Variants in FTCDNL1 observed in about 807,000 individuals in gnomAD.
The protein encoded by FTCDNL1 is formiminotransferase N-terminal subdomain-containing protein.
A neutral mutation model predicts 5.9 loss-of-function variants in FTCDNL1; 11 were observed. The observed-to-expected ratio is 1.87, with a 90% CI of 1.18 to 3.10. FTCDNL1 has a LOEUF of 3.10. FTCDNL1 is among the 30% of genes most tolerant of loss of function. FTCDNL1 has a pLI of 0.00. For synonymous variants in FTCDNL1, 58 were observed against 24.8 expected (o/e 2.34, Z -3.99); for missense variants, 115 against 65.5 (o/e 1.76, Z -2.61).
At chr2:199,740,950 G>C in the FTCDNL1 span, among the ~76,000 whole-genome samples, 1 of 152,288 alleles carries the variant, frequency 6.6e-6, no homozygotes, top group East Asian at 1.9e-4. Flanking sequence ...CTGTGTGCCA[G>C]CTTCCTGCAG....
At chr2:199,779,505 C>G (rs893628601) in intron 3 of FTCDNL1, among the ~76,000 whole-genome samples, 2 of 152,164 alleles carry the variant, frequency 1.3e-5, no homozygotes, top group African/African-American at 4.8e-5. Flanking sequence ...CTGAATGCAG[C>G]TCCCCCTCCA....
chr2:199,690,910 C>G, the FTCDNL1 span, among the ~76,000 whole-genome samples: 1 of 152,154 alleles, frequency 6.6e-6, no homozygotes, highest in East Asian at 1.9e-4. Context: ...ACTTTTGGAT[C>G]CAATGTAATT....
At chr2:199,815,582 T>C (rs1385802836) in intron 4 of FTCDNL1, among the ~76,000 whole-genome samples, 1 of 152,120 alleles carries the variant, frequency 6.6e-6, no homozygotes, top group African/African-American at 2.4e-5. Context: ...GCCAATTAAA[T>C]TTAAACAAGA....
downstream of FTCDNL1, among the ~76,000 whole-genome samples, chr2:199,804,582 G>A (rs1376471284): frequency 6.6e-6 from 1 of 152,110 alleles, no homozygotes; most frequent in Non-Finnish European, 1.5e-5. Flanking sequence ...GGAAAAAATA[G>A]CACGAATTCC....
chr2:199,704,160 G>A, the FTCDNL1 span, among the ~76,000 whole-genome samples: 1 of 152,068 alleles, frequency 6.6e-6, no homozygotes, highest in African/African-American at 2.4e-5. Context: ...CCATAACTGG[G>A]GTAATAGTTG....
chr2:199,764,428 A>G (rs888085036), intron 3 of FTCDNL1, among the ~76,000 whole-genome samples: 1 of 152,172 alleles, frequency 6.6e-6, no homozygotes, highest in Non-Finnish European at 1.5e-5. Context: ...GCCTTCTGTT[A>G]GCGTTTGTAC....
At chr2:199,711,330 T>C in the FTCDNL1 span, among the ~76,000 whole-genome samples, 4 of 120,802 alleles carry the variant, frequency 3.3e-5, no homozygotes, top group Non-Finnish European at 4.8e-5. Flanking sequence ...CCCATATGTG[T>C]AATGACAGAA....
At chr2:199,709,364 G>C in the FTCDNL1 span, among the ~76,000 whole-genome samples, 1 of 152,112 alleles carries the variant, frequency 6.6e-6, no homozygotes, top group African/African-American at 2.4e-5. Context: ...AGGGCAGCCA[G>C]TCCTAGCCAA....
the FTCDNL1 span, among the ~76,000 whole-genome samples, chr2:199,703,842 T>A: frequency 6.6e-6 from 1 of 152,216 alleles, no homozygotes; most frequent in South Asian, 2.1e-4. Context: ...GTTAAATTTT[T>A]CTATAGAATA....
the FTCDNL1 span, among the ~76,000 whole-genome samples, chr2:199,738,063 G>A: frequency 1.3e-5 from 2 of 152,158 alleles, no homozygotes; most frequent in South Asian, 2.1e-4. Context: ...GATAAGAAAC[G>A]GGATTCTCAG....
intron 3 of FTCDNL1, among the ~76,000 whole-genome samples, chr2:199,798,959 A>G (rs1700308237): frequency 6.6e-6 from 1 of 152,204 alleles, no homozygotes; most frequent in Non-Finnish European, 1.5e-5. Context: ...GGAATGCCTG[A>G]AGAATGGGAG....
chr2:199,846,814 T>C (rs925844886), intron 2 of FTCDNL1, among the ~76,000 whole-genome samples: 1 of 152,218 alleles, frequency 6.6e-6, no homozygotes, highest in Non-Finnish European at 1.5e-5. Flanking sequence ...CAGCCATACA[T>C]AACCCTAGAG....
At chr2:199,719,917 C>T in the FTCDNL1 span, among the ~76,000 whole-genome samples, 1 of 151,992 alleles carries the variant, frequency 6.6e-6, no homozygotes, top group African/African-American at 2.4e-5. Context: ...TCTATTTGTT[C>T]GTGTCATCTA....
the FTCDNL1 span, among the ~76,000 whole-genome samples, chr2:199,682,494 T>C: frequency 2.6e-5 from 4 of 152,182 alleles, no homozygotes; most frequent in Non-Finnish European, 5.9e-5. Flanking sequence ...CAGCCTGCAT[T>C]TGAAAGGAAA....
rs754906915 is a variant in FTCDNL1 at position 199,790,821 on chromosome 2, G to C, written c.212-29986C>G. Among the ~76,000 whole-genome samples the C allele has an allele frequency of 6.1e-4, 92 of 152,010 alleles. 2 individuals are homozygous for C. The highest frequency in any genetic ancestry group is 1.9e-4 in the Non-Finnish European group (13 of 68,004). The stretch of plus-strand genomic sequence containing the variant: ...TTCCTACTGCTTGGCAGACACATGG[G>C]ATAAAGATACAAATACTGCTAGGTA... On this transcript the variant is annotated intron_variant, in intron 3 of 3. Coordinates refer to the FTCDNL1 transcript ENST00000416668.
the FTCDNL1 span, among the ~76,000 whole-genome samples, chr2:199,711,371 C>CA: frequency 1.5e-4 from 10 of 65,072 alleles, no homozygotes; most frequent in South Asian, 4.1e-4. Context: ...TGTGAGGGGG[C>CA]GGGGGGGGGA....
At chr2:199,754,916 C>G in the FTCDNL1 span, among the ~76,000 whole-genome samples, 1 of 152,148 alleles carries the variant, frequency 6.6e-6, no homozygotes, top group African/African-American at 2.4e-5. Context: ...ACACTTTTAG[C>G]GGTAGAAAAT....
chr2:199,814,459 G>C (rs1701231461), intron 4 of FTCDNL1, among the ~76,000 whole-genome samples: 1 of 152,212 alleles, frequency 6.6e-6, no homozygotes, highest in Admixed American at 6.5e-5. Flanking sequence ...GTGAGGCATT[G>C]TGAACCTCAT....
intron 3 of FTCDNL1, among the ~76,000 whole-genome samples, chr2:199,820,752 C>G (rs1701632476): frequency 6.6e-6 from 1 of 152,100 alleles, no homozygotes. Context: ...TATAGAATTG[C>G]TGGGCTTTTC....
Sources: gnomAD v4.1 joint callset for allele counts (sites outside exome capture counted in the v4.1 genomes callset) on GRCh38, gnomAD v4.1.1 for gene constraint, MANE v1.5 for transcripts, NCBI Gene and HGNC (gene_info 2026-07-23, HGNC 2026-07-21) for gene names.